The following PDE4B variants were observed in gnomAD, a reference collection of about 807,000 sequenced individuals.
PDE4B encodes 3',5'-cyclic-AMP phosphodiesterase 4B.
A neutral mutation model predicts 82.2 loss-of-function variants in PDE4B; 20 were observed. The ratio of observed to expected loss-of-function variants is 0.24; its 90% CI spans 0.17 to 0.35. PDE4B has a LOEUF of 0.35. PDE4B is among the 10% of genes least tolerant of loss of function. The pLI is 1.00. For synonymous variants in PDE4B, 320 were observed against 318.9 expected, an observed-to-expected ratio of 1.00 and a Z score of -0.04; for missense variants, 655 against 907.2, an observed-to-expected ratio of 0.72 and a Z score of 3.57.
intron 7 of PDE4B, among the ~76,000 whole-genome samples, chr1:66,292,039 G>A (rs1325977110): frequency 6.6e-6 from 1 of 152,136 alleles, no homozygotes; most frequent in African/African-American, 2.4e-5. Context: ...AACATGAGAT[G>A]TTAATTTCCA....
chr1:66,264,653 T>C (rs1460302037), intron 6 of PDE4B, among the ~76,000 whole-genome samples: 1 of 152,196 alleles, frequency 6.6e-6, no homozygotes, highest in African/African-American at 2.4e-5. Flanking sequence ...ATGTGGACCC[T>C]GTCTATAGAC....
At chr1:65,911,911 AC>A (rs1394595119) in intron 1 of PDE4B, among the ~76,000 whole-genome samples, 2 of 152,200 alleles carry the variant, frequency 1.3e-5, no homozygotes, top group Non-Finnish European at 2.9e-5. Flanking sequence ...GGGTGATGGT[AC>A]AATGCCACTG....
chr1:65,908,013 T>C (rs1647046710), intron 1 of PDE4B, among the ~76,000 whole-genome samples: 3 of 152,092 alleles, frequency 2.0e-5, no homozygotes, highest in African/African-American at 7.2e-5. Flanking sequence ...CCTGGCAACC[T>C]CTGAACTCTC....
At chr1:66,185,901 G>A (rs112450572) in intron 3 of PDE4B, among the ~76,000 whole-genome samples, 1,912 of 152,240 alleles carry the variant, frequency 0.013, 35 homozygotes, top group African/African-American at 0.044. Flanking sequence ...TAGATATGAA[G>A]TCCTTGCCCA....
chr1:66,131,592 G>GATATATATATATATATATAT lies in PDE4B; in HGVS notation c.282-115841_282-115822dup, dbSNP rs71058452. 3.7e-4 allele frequency among the ~76,000 whole-genome samples: 12 copies of GATATATATATATATATATAT among 32,864 alleles called. 4 individuals are homozygous for GATATATATATATATATATAT. The highest frequency in any genetic ancestry group is 7.1e-4 in the Non-Finnish European group (9 of 12,606). 21.6% of individuals were successfully genotyped at this position (32,864 alleles called of 152,430 possible). ...TATTTTCAATATTTTCTGAATGCCA[G>GATATATATATATATATATAT]ATATATATATATATATATATATATA... is the stretch of plus-strand genomic sequence containing the variant. On this transcript the variant is annotated intron_variant, in intron 3 of 16. Coordinates refer to ENST00000341517, the MANE Select transcript of PDE4B (RefSeq NM_002600.4).
intron 3 of PDE4B, among the ~76,000 whole-genome samples, chr1:66,062,726 C>T (rs1321657306): frequency 6.6e-6 from 1 of 152,008 alleles, no homozygotes; most frequent in Non-Finnish European, 1.5e-5. Context: ...CCCTTCAATG[C>T]TAAAATTCTA....
At chr1:65,805,510 T>C (rs1037471948) in intron 1 of PDE4B, among the ~76,000 whole-genome samples, 2 of 152,214 alleles carry the variant, frequency 1.3e-5, no homozygotes, top group Non-Finnish European at 2.9e-5. Flanking sequence ...GGATAGCTAA[T>C]AGTATCTGCA....
At chr1:66,032,960 A>G (rs940808258) in intron 3 of PDE4B, among the ~76,000 whole-genome samples, 2 of 152,028 alleles carry the variant, frequency 1.3e-5, no homozygotes, top group African/African-American at 4.8e-5. Flanking sequence ...GGCCTCATTT[A>G]TCTAATTCTT....
In PDE4B at chr1:65,905,135, A is replaced by G. The variant is rs6693026; in HGVS notation, c.-70-8110A>G. On this transcript the variant is annotated intron_variant, in intron 1 of 16. Coordinates refer to ENST00000341517, the MANE Select transcript of PDE4B (RefSeq NM_002600.4). ...GATATAGTGGTTGGCAGTATTCTCT[A>G]TGAGCTTCTGGGAGGCATAAACCTA... Among the ~76,000 whole-genome samples, 1,059 of 152,302 alleles carry G rather than the reference A, an allele frequency of 7.0e-3. 13 individuals are homozygous for G. The highest frequency in any genetic ancestry group is 0.023 in the African/African-American group (965 of 41,572).
At chr1:65,886,565 T>C (rs1188289310) in intron 1 of PDE4B, among the ~76,000 whole-genome samples, 1 of 152,166 alleles carries the variant, frequency 6.6e-6, no homozygotes, top group East Asian at 1.9e-4. Flanking sequence ...CAGCCTCTGG[T>C]ATCTATTATT....
intron 3 of PDE4B, among the ~76,000 whole-genome samples, chr1:65,946,466 G>C (rs1161423131): frequency 6.6e-6 from 1 of 152,016 alleles, no homozygotes; most frequent in Admixed American, 6.6e-5. Context: ...GTTAGGAAGA[G>C]ATGTGATGGT....
chr1:65,827,536 T>C (rs948186121), intron 1 of PDE4B, among the ~76,000 whole-genome samples: 3 of 151,970 alleles, frequency 2.0e-5, no homozygotes, highest in African/African-American at 7.3e-5. Flanking sequence ...ACTTACATAG[T>C]TGGGGAAAGA....
At chr1:65,948,401 A>G (rs117308216) in intron 3 of PDE4B, among the ~76,000 whole-genome samples, 7,271 of 152,070 alleles carry the variant, frequency 0.048, 526 homozygotes, top group East Asian at 0.36. Context: ...AGGAGCAAGG[A>G]TAGCCAGTCT....
At chr1:65,827,473 A>G (rs1232243953) in intron 1 of PDE4B, among the ~76,000 whole-genome samples, 1 of 152,192 alleles carries the variant, frequency 6.6e-6, no homozygotes, top group Non-Finnish European at 1.5e-5. Flanking sequence ...ATGCTATTAA[A>G]AAAACCCCAC....
chr1:66,255,404 A>G (rs1025541073), intron 4 of PDE4B, among the ~76,000 whole-genome samples: 6 of 152,110 alleles, frequency 3.9e-5, no homozygotes, highest in Non-Finnish European at 7.4e-5. Flanking sequence ...ATTTCTTTCT[A>G]TGGAGTTAAG....
At chr1:66,097,862 G>GT (rs34619073) in intron 3 of PDE4B, among the ~76,000 whole-genome samples, 4,368 of 138,956 alleles carry the variant, frequency 0.031, 209 homozygotes, top group African/African-American at 0.1. Context: ...TTGCTGCTGG[G>GT]TTTTTTTTTT....
chr1:66,065,218 A>G (rs1655785850), intron 3 of PDE4B, among the ~76,000 whole-genome samples: 1 of 151,968 alleles, frequency 6.6e-6, no homozygotes, highest in Admixed American at 6.6e-5. Context: ...GTTCTTAGTT[A>G]ACATCAATCT....
chr1:65,937,376 ATT>A (rs1648210049), intron 3 of PDE4B, among the ~76,000 whole-genome samples: 1 of 152,208 alleles, frequency 6.6e-6, no homozygotes, highest in Non-Finnish European at 1.5e-5. Context: ...GATGTGCTTT[ATT>A]GCTCCCACAG....
chr1:66,353,948 T>C (rs936056476), intron 8 of PDE4B, among the ~76,000 whole-genome samples: 7 of 152,130 alleles, frequency 4.6e-5, no homozygotes, highest in African/African-American at 1.7e-4. Context: ...TCGAATGCAA[T>C]CTAATATGCA....
Sources: gnomAD v4.1 joint callset for allele counts (sites outside exome capture counted in the v4.1 genomes callset) on GRCh38, gnomAD v4.1.1 for gene constraint, MANE v1.5 for transcripts, NCBI Gene and HGNC (gene_info 2026-07-23, HGNC 2026-07-21) for gene names.